CSMD1: variants seen among roughly 807,000 people sequenced by gnomAD.
CSMD1 encodes the protein CUB and Sushi multiple domains 1.
A neutral mutation model predicts 417.5 loss-of-function variants in CSMD1; 213 were observed. That is an observed-to-expected ratio of 0.51 (90% confidence interval 0.46 to 0.57). The LOEUF is 0.57. CSMD1 is among the 20% of genes least tolerant of loss of function. The probability of loss-of-function intolerance (pLI) is 0.00; values close to 1 mark genes in which losing one functional copy is unlikely to be tolerated. For synonymous variants in CSMD1, 2,862 were observed against 1,736.8 expected, an observed-to-expected ratio of 1.65 and a Z score of -16.11; for missense variants, 6,923 against 4,529.7, an observed-to-expected ratio of 1.53 and a Z score of -15.17.
intron 1 of CSMD1, among the ~76,000 whole-genome samples, chr8:4,805,483 G>A (rs956225897): frequency 7.2e-5 from 11 of 152,026 alleles, no homozygotes; most frequent in Admixed American, 3.3e-4. Flanking sequence ...AGAAGTCAGC[G>A]AGTGAAACGC....
At chr8:4,848,529 A>G (rs1191007101) in intron 1 of CSMD1, among the ~76,000 whole-genome samples, 2 of 151,876 alleles carry the variant, frequency 1.3e-5, no homozygotes, top group Non-Finnish European at 2.9e-5. Context: ...AAAATGATGT[A>G]TAGTACATAA....
intron 12 of CSMD1, among the ~76,000 whole-genome samples, chr8:3,450,127 C>A (rs1009930669): frequency 6.6e-5 from 10 of 152,160 alleles, no homozygotes; most frequent in Non-Finnish European, 8.8e-5. Context: ...TCCTGCACAT[C>A]AGGATTTGCT....
At chr8:4,215,917 C>A (rs530660249) in intron 3 of CSMD1, among the ~76,000 whole-genome samples, 2 of 152,140 alleles carry the variant, frequency 1.3e-5, no homozygotes, top group Admixed American at 6.6e-5. Flanking sequence ...ACAAAGAGAA[C>A]GTGGATTCAT....
chr8:4,571,454 G>C (rs1401427001), intron 2 of CSMD1, among the ~76,000 whole-genome samples: 1 of 152,134 alleles, frequency 6.6e-6, no homozygotes, highest in African/African-American at 2.4e-5. Flanking sequence ...ATGCAGTTTT[G>C]AGTGAGTTTC....
intron 5 of CSMD1, among the ~76,000 whole-genome samples, chr8:3,892,620 T>G (rs1033041684): frequency 6.6e-6 from 1 of 151,752 alleles, no homozygotes; most frequent in Admixed American, 6.6e-5. Flanking sequence ...TTCACTCTGG[T>G]GCACGTCAGT....
intron 3 of CSMD1, among the ~76,000 whole-genome samples, chr8:4,129,357 A>G (rs758098131): frequency 6.6e-6 from 1 of 152,072 alleles, no homozygotes; most frequent in Non-Finnish European, 1.5e-5. Flanking sequence ...TCTTGAATGC[A>G]TTCCCAGTTT....
In CSMD1 at chr8:4,109,780, G is replaced by T. The variant is rs74706927; in HGVS notation, c.416-77681C>A. Among the ~76,000 whole-genome samples the T allele has an allele frequency of 3.9e-3, 601 of 152,154 alleles. 4 individuals are homozygous for T. Among genetic ancestry groups the T allele is most frequent in the African/African-American group, 0.014 (568 of 41,528 alleles). On this transcript the variant is annotated intron_variant, in intron 3 of 69. Transcript: ENST00000635120. Reference sequence around the variant, plus strand: ...AACATAAGACAGTTTGATTTCTGTGGTCATTGACTGAGAGACTAAACAAAA... The same window carrying T: ...AACATAAGACAGTTTGATTTCTGTGTTCATTGACTGAGAGACTAAACAAAA...
intron 5 of CSMD1, among the ~76,000 whole-genome samples, chr8:3,782,214 G>T (rs545203215): frequency 2.6e-5 from 4 of 152,230 alleles, no homozygotes; most frequent in East Asian, 1.9e-4. Context: ...GTGCGGCATA[G>T]GACAGAATCT....
chr8:4,515,980 G>C (rs953265114), intron 2 of CSMD1, among the ~76,000 whole-genome samples: 3 of 152,168 alleles, frequency 2.0e-5, no homozygotes, highest in Non-Finnish European at 4.4e-5. Context: ...CCTGACAGCT[G>C]TTACCCATTG....
chr8:3,090,304 C>G (rs554355068), intron 48 of CSMD1, among the ~76,000 whole-genome samples: 10 of 108,564 alleles, frequency 9.2e-5, no homozygotes, highest in East Asian at 2.9e-4. Flanking sequence ...GCAACAGAGC[C>G]AGACTGTATT....
chr8:3,001,162 T>A (rs1056963781), intron 52 of CSMD1, among the ~76,000 whole-genome samples: 1 of 151,946 alleles, frequency 6.6e-6, no homozygotes, highest in East Asian at 1.9e-4. Flanking sequence ...AATTTTTTTA[T>A]TATTATTATT....
At chr8:3,838,988 T>C (rs1480475208) in intron 5 of CSMD1, among the ~76,000 whole-genome samples, 1 of 126,014 alleles carries the variant, frequency 7.9e-6, no homozygotes, top group Admixed American at 9.8e-5. Context: ...ATATTATATA[T>C]CATATAATTA....
chr8:4,136,495 A>G (rs989438633), intron 3 of CSMD1, among the ~76,000 whole-genome samples: 2 of 152,212 alleles, frequency 1.3e-5, no homozygotes, highest in Admixed American at 6.5e-5. Context: ...ATGCTATTAT[A>G]TTACTGTCCA....
intron 2 of CSMD1, among the ~76,000 whole-genome samples, chr8:4,629,291 G>A (rs988295624): frequency 5.3e-5 from 8 of 152,130 alleles, no homozygotes; most frequent in Non-Finnish European, 7.4e-5. Context: ...CAATAGACAT[G>A]AAAACATGTT....
chr8:3,272,407 A>G (rs182446362), intron 26 of CSMD1, among the ~76,000 whole-genome samples: 12,178 of 145,854 alleles, frequency 0.083, 809 homozygotes, highest in Non-Finnish European at 0.13. Flanking sequence ...CTGACTTGGC[A>G]ATGTGGGCTC....
intron 5 of CSMD1, among the ~76,000 whole-genome samples, chr8:3,833,830 A>G (rs890350670): frequency 3.9e-5 from 6 of 152,166 alleles, no homozygotes; most frequent in Non-Finnish European, 7.4e-5. Context: ...TGGTTAAACA[A>G]TATAAGACGT....
chr8:3,568,163 T>C (rs1447756563), intron 10 of CSMD1, among the ~76,000 whole-genome samples: 1 of 152,198 alleles, frequency 6.6e-6, no homozygotes, highest in Non-Finnish European at 1.5e-5. Context: ...TGAAAGTCTT[T>C]TTGAGGGTTA....
At chr8:4,905,476 C>G (rs1266175298) in intron 1 of CSMD1, among the ~76,000 whole-genome samples, 1 of 152,018 alleles carries the variant, frequency 6.6e-6, no homozygotes, top group Non-Finnish European at 1.5e-5. Flanking sequence ...CATTCTAAAA[C>G]AGGACACACA....
In CSMD1 at chr8:3,214,709, G is replaced by T; in HGVS notation, c.4673-18C>A. On this transcript the variant is annotated intron_variant, in intron 29 of 69. Coordinates refer to ENST00000635120, the MANE Select transcript of CSMD1 (RefSeq NM_033225.6). ...TGGTTTCTCTGTGGAAGAAATGAAT[G>T]TAAACTGCATGAGAGCAGGGATCTT... 1.3e-6 allele frequency: 2 copies of T among 1,538,482 alleles called. No individual in the cohort carries two copies. Among genetic ancestry groups the T allele is most frequent in the Non-Finnish European group, 1.8e-6 (2 of 1,138,442 alleles).
Sources: gnomAD v4.1 joint callset for allele counts (sites outside exome capture counted in the v4.1 genomes callset) on GRCh38, gnomAD v4.1.1 for gene constraint, MANE v1.5 for transcripts, NCBI Gene and HGNC (gene_info 2026-07-23, HGNC 2026-07-21) for gene names.